Variants in MPP7 observed in about 807,000 individuals in gnomAD.
MPP7 encodes MAGUK p55 scaffold protein 7.
A neutral mutation model predicts 76.5 loss-of-function variants in MPP7; 60 were observed. That is an observed-to-expected ratio of 0.78 (90% CI 0.64 to 0.97). The LOEUF is 0.97. Ranked by LOEUF, MPP7 falls within the 50% of genes least tolerant of loss-of-function variation. The pLI, the probability that MPP7 is intolerant of heterozygous loss-of-function variation, is 0.00. For missense variants in MPP7, 641 were observed against 694.0 expected (o/e 0.92, Z 0.86); for synonymous variants, 237 against 244.5 (o/e 0.97, Z 0.29).
At chr10:28,183,070 C>A (rs60578320) in intron 3 of MPP7, among the ~76,000 whole-genome samples, 12 of 152,110 alleles carry the variant, frequency 7.9e-5, no homozygotes, top group Admixed American at 7.9e-4. Context: ...AAGAGCGAAA[C>A]GCCATCTCAA....
At chr10:28,168,553 C>T (rs1298057442) in intron 3 of MPP7, among the ~76,000 whole-genome samples, 1 of 151,986 alleles carries the variant, frequency 6.6e-6, no homozygotes, top group Non-Finnish European at 1.5e-5. Context: ...GAGTCTCGCT[C>T]TGTCGCCCAG....
chr10:28,320,833 T>TTTG (rs71696524), intron 2 of MPP7, among the ~76,000 whole-genome samples: 2 of 58,210 alleles, frequency 3.4e-5, no homozygotes, highest in Admixed American at 1.3e-4. Context: ...TTTTTGTTTG[T>TTTG]TTTTTTTTTG....
At chr10:28,190,255 T>C (rs1564689476) in intron 3 of MPP7, among the ~76,000 whole-genome samples, 1 of 152,072 alleles carries the variant, frequency 6.6e-6, no homozygotes, top group East Asian at 1.9e-4. Flanking sequence ...CAGTCAGTAA[T>C]TGACAGATCC....
At chr10:28,255,364 G>A (rs1839750515) in intron 1 of MPP7, among the ~76,000 whole-genome samples, 1 of 151,424 alleles carries the variant, frequency 6.6e-6, no homozygotes, top group South Asian at 2.1e-4. Flanking sequence ...TCCACCCTCA[G>A]CCTACCCAAA....
At chr10:28,158,469 G>A (rs1836144692) in intron 3 of MPP7, among the ~76,000 whole-genome samples, 1 of 152,192 alleles carries the variant, frequency 6.6e-6, no homozygotes, top group Non-Finnish European at 1.5e-5. Flanking sequence ...GAATAATGGA[G>A]GTAAGTCTCT....
chr10:28,230,971 TAATC>T (rs1263540191), intron 2 of MPP7, among the ~76,000 whole-genome samples: 5 of 152,292 alleles, frequency 3.3e-5, no homozygotes, highest in African/African-American at 9.6e-5. Flanking sequence ...TTGAATGACT[TAATC>T]AATAAGTTTG....
intron 11 of MPP7, among the ~76,000 whole-genome samples, chr10:28,111,718 T>C (rs776473414): frequency 6.6e-6 from 1 of 152,224 alleles, no homozygotes; most frequent in Non-Finnish European, 1.5e-5. Context: ...GTCTATATTA[T>C]CTGATGAAAG....
chr10:28,265,733 C>A (rs1392222648), intron 1 of MPP7, among the ~76,000 whole-genome samples: 2 of 151,964 alleles, frequency 1.3e-5, no homozygotes, highest in African/African-American at 2.4e-5. Flanking sequence ...TTAACTTTAT[C>A]GAGTTAATAA....
chr10:28,181,737 C>A (rs756861163), intron 3 of MPP7, among the ~76,000 whole-genome samples: 2 of 152,186 alleles, frequency 1.3e-5, no homozygotes, highest in Non-Finnish European at 2.9e-5. Flanking sequence ...CTGAAAAGAA[C>A]TTTACTCAAT....
chr10:28,292,064 T>C (rs1840933763), intron 1 of MPP7, among the ~76,000 whole-genome samples: 1 of 152,210 alleles, frequency 6.6e-6, no homozygotes, highest in Admixed American at 6.5e-5. Context: ...ATTTTTACTA[T>C]ACTTTTTCTA....
rs145570841 is a variant in MPP7 at position 28,120,369 on chromosome 10, C to T, written c.712G>A (p.Asp238Asn). The T allele has an allele frequency of 4.7e-3, 7,615 of 1,609,490 alleles. 578 individuals carry two copies. In the Admixed American group the frequency reaches 0.12, roughly 26 times the overall value. Reference protein sequence around the residue: ...EGKMFIKALFDYNPNEDKAIP... With the variant: ...EGKMFIKALFNYNPNEDKAIP... Reference sequence around the variant, plus strand: ...GCCTTATCCTCATTAGGATTATAGTCAAAGAGGGCTTTGATAAACATCTGG... The same window carrying T: ...GCCTTATCCTCATTAGGATTATAGTTAAAGAGGGCTTTGATAAACATCTGG... Residue 238 changes from aspartate (D) to asparagine (N), a missense_variant, in exon 10 of 17, where the codon GAC becomes AAC. By Grantham distance (23) the Asp-to-Asn change is conservative. Coordinates refer to ENST00000683449, the MANE Select transcript of MPP7 (RefSeq NM_001318170.2).
intron 1 of MPP7, among the ~76,000 whole-genome samples, chr10:28,334,022 G>A (rs1233444690): frequency 6.6e-6 from 1 of 152,006 alleles, no homozygotes; most frequent in Non-Finnish European, 1.5e-5. Context: ...GTGAAACCTT[G>A]TCTCTAGTAA....
intron 5 of MPP7, among the ~76,000 whole-genome samples, 167 bp from the exon 6 acceptor site, chr10:28,131,858 C>T (rs1835204806): frequency 6.6e-6 from 1 of 152,108 alleles, no homozygotes; most frequent in South Asian, 2.1e-4. Context: ...GTTCCTCTTA[C>T]AAATGGAATG....
At chr10:28,081,565 C>T (rs12243362) in intron 12 of MPP7, among the ~76,000 whole-genome samples, 6,271 of 152,098 alleles carry the variant, frequency 0.041, 452 homozygotes, top group African/African-American at 0.14. Flanking sequence ...GCTCAAAGTC[C>T]TCCATTATTG....
intron 3 of MPP7, among the ~76,000 whole-genome samples, chr10:28,157,667 G>C (rs191244876): frequency 6.6e-6 from 1 of 152,248 alleles, no homozygotes; most frequent in African/African-American, 2.4e-5. Flanking sequence ...TCTCCATCAG[G>C]TTCCACCCAC....
At chr10:28,132,205 T>C (rs759626702) in intron 5 of MPP7, among the ~76,000 whole-genome samples, 44 of 152,180 alleles carry the variant, frequency 2.9e-4, no homozygotes, top group Non-Finnish European at 4.9e-4. Context: ...TAATTGTGTG[T>C]GTAATTGGTG....
At chr10:28,291,137 T>C (rs183057162) in intron 1 of MPP7, among the ~76,000 whole-genome samples, 1 of 152,320 alleles carries the variant, frequency 6.6e-6, no homozygotes, top group Admixed American at 6.5e-5. Context: ...CATATATAAA[T>C]TTAGTGAACA....
Position 28,083,981 on chromosome 10 carries a change from C to T in MPP7, c.1123+5690G>A, listed in dbSNP as rs185679062. On this transcript the variant is annotated intron_variant, in intron 12 of 16. Transcript: ENST00000683449. ...CCAATTGTCACAGATTTAAGAAATACTGCCTTATACCAGCAATTGCTCCAA... is the reference window on the plus strand; with the variant it reads ...CCAATTGTCACAGATTTAAGAAATATTGCCTTATACCAGCAATTGCTCCAA... Among the ~76,000 whole-genome samples the T allele has an allele frequency of 2.0e-5, 3 of 152,310 alleles. No individual in the cohort carries two copies. The East Asian group carries it at 5.8e-4, about 29-fold the overall frequency.
intron 2 of MPP7, among the ~76,000 whole-genome samples, chr10:28,226,428 G>A (rs1483340292): frequency 6.6e-6 from 1 of 152,058 alleles, no homozygotes. Context: ...TGTATTTTTG[G>A]TAGAGACAGG....
Sources: gnomAD v4.1 joint callset for allele counts (sites outside exome capture counted in the v4.1 genomes callset) on GRCh38, gnomAD v4.1.1 for gene constraint, MANE v1.5 for transcripts, NCBI Gene and HGNC (gene_info 2026-07-23, HGNC 2026-07-21) for gene names.